NIBAN1: variants seen among roughly 807,000 people sequenced by gnomAD.
The protein encoded by NIBAN1 is protein Niban 1.
NIBAN1 carries 81 observed loss-of-function variants against 75.1 expected under a neutral mutation model. The ratio of observed to expected loss-of-function variants is 1.08; its 90% CI spans 0.90 to 1.30. The LOEUF (loss-of-function observed/expected upper bound fraction) is 1.30, where lower values mean the gene tolerates loss of function less well. Ranked by LOEUF, NIBAN1 falls within the 50% of genes most tolerant of loss-of-function variation. NIBAN1 has a pLI of 0.00. For missense variants in NIBAN1, 1,133 were observed against 1,128.1 expected (o/e 1.00, Z -0.06); for synonymous variants, 436 against 424.8 (o/e 1.03, Z -0.32).
chr1:184,898,529 T>A (rs1055979610), intron 2 of NIBAN1, among the ~76,000 whole-genome samples: 1 of 152,130 alleles, frequency 6.6e-6, no homozygotes, highest in Non-Finnish European at 1.5e-5. Context: ...GGCAGGAGAA[T>A]CACTTGAACC....
chr1:184,973,154 C>T (rs1397503479), intron 1 of NIBAN1, among the ~76,000 whole-genome samples: 1 of 152,190 alleles, frequency 6.6e-6, no homozygotes, highest in Non-Finnish European at 1.5e-5. Flanking sequence ...CAAAGAGATA[C>T]TTGACCAAGT....
At chr1:184,955,767 C>A (rs1658473539) in intron 1 of NIBAN1, among the ~76,000 whole-genome samples, 5 of 152,094 alleles carry the variant, frequency 3.3e-5, no homozygotes, top group African/African-American at 1.2e-4. Flanking sequence ...GAAAAAGTGA[C>A]AATAAAAACA....
Position 184,827,699 on chromosome 1 carries a change from G to A in NIBAN1, c.718-3957C>T, listed in dbSNP as rs144197128. Among the ~76,000 whole-genome samples, 10 of 151,680 alleles carry A rather than the reference G, an allele frequency of 6.6e-5. No individual in the cohort carries two copies. In the East Asian group the frequency reaches 1.4e-3, roughly 21 times the overall value. ...TAGGTTGATCAAAACCAACAAACCCGGGATCGCCCCTTGAAGGCCACACCA... is the reference window on the plus strand; with the variant it reads ...TAGGTTGATCAAAACCAACAAACCCAGGATCGCCCCTTGAAGGCCACACCA... On this transcript the variant is annotated intron_variant, in intron 6 of 13. Coordinates refer to ENST00000367511, the MANE Select transcript of NIBAN1 (RefSeq NM_052966.4).
chr1:184,808,912 T>A (rs1654287039), intron 9 of NIBAN1, among the ~76,000 whole-genome samples: 1 of 152,190 alleles, frequency 6.6e-6, no homozygotes, highest in Non-Finnish European at 1.5e-5. Flanking sequence ...AGCCCTAAAG[T>A]GTTATCAACA....
chr1:184,904,004 C>T (rs1188016913), intron 1 of NIBAN1, among the ~76,000 whole-genome samples: 1 of 152,004 alleles, frequency 6.6e-6, no homozygotes, highest in African/African-American at 2.4e-5. Flanking sequence ...TCTAGTGATT[C>T]TCCTGCCTCA....
At chr1:184,905,457 A>G (rs1205846529) in intron 1 of NIBAN1, among the ~76,000 whole-genome samples, 2 of 152,018 alleles carry the variant, frequency 1.3e-5, no homozygotes, top group African/African-American at 4.8e-5. Flanking sequence ...ATGTTTCCCT[A>G]TTGCCTAGGG....
intron 1 of NIBAN1, among the ~76,000 whole-genome samples, chr1:184,943,605 G>GA (rs11403698): frequency 0.79 from 120,231 of 151,978 alleles, 47,793 homozygotes; most frequent in Non-Finnish European, 0.82. Context: ...ACTTGCTAAG[G>GA]AATGCAATGT....
intron 1 of NIBAN1, among the ~76,000 whole-genome samples, chr1:184,909,303 G>GT (rs1657181332): frequency 6.6e-6 from 1 of 151,980 alleles, no homozygotes; most frequent in Non-Finnish European, 1.5e-5. Context: ...ATTTTCCTAT[G>GT]TTTTTTTCTT....
intron 3 of NIBAN1, among the ~76,000 whole-genome samples, chr1:184,892,530 T>A (rs957410495): frequency 2.0e-5 from 3 of 152,222 alleles, no homozygotes; most frequent in African/African-American, 7.2e-5. Flanking sequence ...AAATTAAGTG[T>A]TGAATAAAAT....
chr1:184,966,613 G>C (rs115125226), intron 1 of NIBAN1, among the ~76,000 whole-genome samples: 2 of 152,160 alleles, frequency 1.3e-5, no homozygotes, highest in South Asian at 4.1e-4. Flanking sequence ...GAACTGGGAC[G>C]GGGCACACAG....
intron 9 of NIBAN1, among the ~76,000 whole-genome samples, chr1:184,811,543 G>C (rs1168013762): frequency 9.1e-6 from 1 of 109,886 alleles, no homozygotes; most frequent in Non-Finnish European, 1.8e-5. Flanking sequence ...GTCTCACTCT[G>C]TCTCCCAACT....
At chr1:184,843,152 C>T (rs1056145047) in intron 5 of NIBAN1, among the ~76,000 whole-genome samples, 5 of 152,208 alleles carry the variant, frequency 3.3e-5, no homozygotes, top group African/African-American at 1.2e-4. Flanking sequence ...CATGAGGACG[C>T]CATTCCAAAC....
At chr1:184,920,804 A>G (rs1657512272) in intron 1 of NIBAN1, among the ~76,000 whole-genome samples, 1 of 152,188 alleles carries the variant, frequency 6.6e-6, no homozygotes, top group Non-Finnish European at 1.5e-5. Context: ...CAGGGAAGTA[A>G]GGCATTCTAT....
intron 12 of NIBAN1, among the ~76,000 whole-genome samples, chr1:184,798,843 T>C (rs1429563732): frequency 2.0e-5 from 3 of 152,220 alleles, no homozygotes; most frequent in South Asian, 4.1e-4. Flanking sequence ...TTGAACTTTA[T>C]AGAAATGAAA....
At chr1:184,965,815 T>G (rs189137026) in intron 1 of NIBAN1, among the ~76,000 whole-genome samples, 30 of 152,042 alleles carry the variant, frequency 2.0e-4, no homozygotes, top group Admixed American at 1.2e-3. Context: ...AAAATAAAAG[T>G]TAAAAAAAAG....
chr1:184,823,770 G>T, intron 6 of NIBAN1, 28 bp from the exon 7 acceptor site: 2 of 1,598,546 alleles, frequency 1.3e-6, no homozygotes, highest in South Asian at 2.2e-5. Context: ...GCCCAGAGTC[G>T]GTCAGTCGGT....
At chr1:184,835,390 G>A (rs990232352) in intron 5 of NIBAN1, among the ~76,000 whole-genome samples, 4 of 152,176 alleles carry the variant, frequency 2.6e-5, no homozygotes, top group African/African-American at 9.7e-5. Flanking sequence ...GAAAGTTATT[G>A]GTAGCTTGAT....
intron 6 of NIBAN1, among the ~76,000 whole-genome samples, chr1:184,824,292 G>T (rs1305389578): frequency 6.6e-6 from 1 of 152,198 alleles, no homozygotes; most frequent in African/African-American, 2.4e-5. Context: ...GCAGTGTGAA[G>T]AAGTGAGAAT....
intron 1 of NIBAN1, among the ~76,000 whole-genome samples, chr1:184,961,054 G>GTTTTT (rs1413515178): frequency 1.1e-5 from 1 of 91,298 alleles, no homozygotes; most frequent in Non-Finnish European, 2.0e-5. Flanking sequence ...TCTATATGCC[G>GTTTTT]TTCTTTTTTT....
Sources: allele counts gnomAD v4.1 joint callset (sites outside exome capture counted in the v4.1 genomes callset), GRCh38; gene constraint gnomAD v4.1.1; transcripts MANE v1.5; gene names NCBI Gene and HGNC (gene_info 2026-07-23, HGNC 2026-07-21).